EYA4: variants seen among roughly 807,000 people sequenced by gnomAD.
EYA4 encodes protein phosphatase EYA4.
A neutral mutation model predicts 87.9 loss-of-function variants in EYA4; 31 were observed. The observed-to-expected ratio is 0.35, with a 90% CI of 0.27 to 0.48. EYA4 has a LOEUF of 0.48. EYA4 is among the 20% of genes least tolerant of loss of function. EYA4 has a pLI of 0.99. For synonymous variants in EYA4, 263 were observed against 270.6 expected (o/e 0.97, Z 0.28); for missense variants, 678 against 761.4 (o/e 0.89, Z 1.29).
intron 3 of EYA4, among the ~76,000 whole-genome samples, chr6:133,410,636 T>C (rs1478898934): frequency 6.7e-6 from 1 of 149,708 alleles, no homozygotes; most frequent in African/African-American, 2.4e-5. Flanking sequence ...AAGGTCTTAA[T>C]TCCTTCTATC....
intron 13 of EYA4, among the ~76,000 whole-genome samples, chr6:133,486,483 C>G (rs1192948953): frequency 1.3e-5 from 2 of 150,480 alleles, no homozygotes; most frequent in East Asian, 3.9e-4. Context: ...ATTCATTTAA[C>G]AAATAGTTAG....
At chr6:133,293,631 CAT>C (rs1377170302) in intron 2 of EYA4, among the ~76,000 whole-genome samples, 2 of 152,096 alleles carry the variant, frequency 1.3e-5, no homozygotes, top group Non-Finnish European at 2.9e-5. Context: ...CCTTGTAAAA[CAT>C]AAAGTTCTTT....
chr6:133,432,688 G>C (rs911768267), intron 3 of EYA4, among the ~76,000 whole-genome samples: 3 of 151,946 alleles, frequency 2.0e-5, no homozygotes, highest in Non-Finnish European at 4.4e-5. Context: ...CTGCATGTTC[G>C]TCTTTTTTTT....
At chr6:133,315,469 A>C (rs993435664) in intron 2 of EYA4, among the ~76,000 whole-genome samples, 2 of 152,200 alleles carry the variant, frequency 1.3e-5, no homozygotes, top group African/African-American at 4.8e-5. Flanking sequence ...ATTAAGCAAG[A>C]GGGGAAAAAT....
Position 133,382,447 on chromosome 6 carries a change from G to A in EYA4, c.83+6G>A, listed in dbSNP as rs200479266. On this transcript the variant is annotated splice_donor_region_variant and intron_variant, in intron 3 of 19. Coordinates refer to ENST00000355286, the MANE Select transcript of EYA4 (RefSeq NM_004100.5). ...TCACAATCTCAGAATTCCAGGTACAGTAAAATAAAGACCAAGACTCCCCTA... is the reference window on the plus strand; with the variant it reads ...TCACAATCTCAGAATTCCAGGTACAATAAAATAAAGACCAAGACTCCCCTA... 115 of 1,602,152 alleles carry A rather than the reference G, an allele frequency of 7.2e-5. No individual in the cohort carries two copies. Among genetic ancestry groups the A allele is most frequent in the Non-Finnish European group, 8.6e-7 (1 of 1,169,180 alleles).
Position 133,276,845 on chromosome 6 carries a change from C to T in EYA4, c.33+2032C>T, listed in dbSNP as rs564650898. Reference sequence around the variant, plus strand: ...TCCAAGTCCAAAGCTCTCTCCATAACATCGACGTGCCTCATTGCCTTTGGG... The same window carrying T: ...TCCAAGTCCAAAGCTCTCTCCATAATATCGACGTGCCTCATTGCCTTTGGG... On this transcript the variant is annotated intron_variant, in intron 2 of 19. Transcript: ENST00000355286. 1.4e-3 allele frequency among the ~76,000 whole-genome samples: 214 copies of T among 150,150 alleles called. 2 individuals carry two copies. Among genetic ancestry groups the T allele is most frequent in the South Asian group, 7.2e-3 (34 of 4,734 alleles).
chr6:133,513,086 G>A, intron 16 of EYA4, 48 bp downstream of exon 16: 1 of 1,530,344 alleles, frequency 6.5e-7, no homozygotes, highest in Non-Finnish European at 9.1e-7. Context: ...GGTATAGGTA[G>A]AATTCAATCT....
At chr6:133,523,604 G>A (rs902322423) in intron 18 of EYA4, among the ~76,000 whole-genome samples, 1 of 152,122 alleles carries the variant, frequency 6.6e-6, no homozygotes, top group African/African-American at 2.4e-5. Flanking sequence ...AAAATTAAGA[G>A]TTTTATGTAT....
intron 1 of EYA4, among the ~76,000 whole-genome samples, chr6:133,272,584 A>G (rs1303849311): frequency 6.6e-6 from 1 of 152,192 alleles, no homozygotes; most frequent in Non-Finnish European, 1.5e-5. Context: ...TGTCTCTCAA[A>G]AGGAAGGTAG....
intron 3 of EYA4, among the ~76,000 whole-genome samples, chr6:133,395,846 C>A (rs1787743655): frequency 6.6e-6 from 1 of 152,184 alleles, no homozygotes; most frequent in Non-Finnish European, 1.5e-5. Context: ...TGTAGAGTCC[C>A]AGTTTACACT....
chr6:133,525,217 T>C lies in EYA4; in HGVS notation c.1802T>C (p.Ile601Thr). ...GGCAGAAAAGTAGTGTATGTTGTAA[T>C]TGGGGATGGTGTAGAAGAAGAACAG... ...RFGRKVVYVVIGDGVEEEQAA... is the reference protein window; with the variant it reads ...RFGRKVVYVVTGDGVEEEQAA... Residue 601 changes from isoleucine (I) to threonine (T), a missense_variant, in exon 19 of 20, where the codon ATT becomes ACT. Coordinates refer to ENST00000355286, the MANE Select transcript of EYA4 (RefSeq NM_004100.5). 6.2e-7 allele frequency: 1 copy of C among 1,613,712 alleles called. No individual in the cohort carries two copies. Among genetic ancestry groups the C allele is most frequent in the Non-Finnish European group, 8.5e-7 (1 of 1,179,746 alleles).
At chr6:133,251,822 A>G (rs906963985) in intron 1 of EYA4, among the ~76,000 whole-genome samples, 8 of 152,214 alleles carry the variant, frequency 5.3e-5, no homozygotes, top group Non-Finnish European at 8.8e-5. Context: ...ATCATTTGAT[A>G]TAGTCAAAAA....
chr6:133,374,659 A>T (rs569050613), intron 2 of EYA4, among the ~76,000 whole-genome samples: 2 of 152,088 alleles, frequency 1.3e-5, no homozygotes, highest in South Asian at 4.1e-4. Flanking sequence ...TAGTCAATAA[A>T]TGGTGATTTG....
At chr6:133,346,894 G>A (rs1193427601) in intron 2 of EYA4, among the ~76,000 whole-genome samples, 1 of 152,154 alleles carries the variant, frequency 6.6e-6, no homozygotes, top group East Asian at 1.9e-4. Flanking sequence ...TATGGAAATG[G>A]AAGCATTGTT....
chr6:133,487,179 G>T (rs1241455974), intron 13 of EYA4, among the ~76,000 whole-genome samples: 1 of 152,198 alleles, frequency 6.6e-6, no homozygotes, highest in Non-Finnish European at 1.5e-5. Flanking sequence ...CAACACCCAT[G>T]GAGGGGGCAT....
intron 2 of EYA4, among the ~76,000 whole-genome samples, chr6:133,313,145 G>C (rs1399503947): frequency 6.6e-6 from 1 of 152,052 alleles, no homozygotes; most frequent in African/African-American, 2.4e-5. Flanking sequence ...GACTTATAAG[G>C]TATGGGAGTG....
intron 3 of EYA4, among the ~76,000 whole-genome samples, chr6:133,391,216 G>GTTTTTTTTTTT (rs1171912624): frequency 2.9e-5 from 2 of 68,954 alleles, no homozygotes; most frequent in African/African-American, 4.1e-5. Flanking sequence ...TTTGGGTTTT[G>GTTTTTTTTTTT]TTTTTGTTTT....
At chr6:133,380,953 TCTC>T (rs577555636) in intron 2 of EYA4, among the ~76,000 whole-genome samples, 262 of 142,888 alleles carry the variant, frequency 1.8e-3, no homozygotes, top group African/African-American at 3.6e-3. Flanking sequence ...CTCTTCTCCC[TCTC>T]CTCCTCCTCC....
chr6:133,495,833 A>C (rs571032774), intron 13 of EYA4, among the ~76,000 whole-genome samples: 1 of 152,308 alleles, frequency 6.6e-6, no homozygotes, highest in Admixed American at 6.5e-5. Flanking sequence ...TTTGGAACAA[A>C]TTTCCAGATA....
Sources: gnomAD v4.1 joint callset for allele counts (sites outside exome capture counted in the v4.1 genomes callset) on GRCh38, gnomAD v4.1.1 for gene constraint, MANE v1.5 for transcripts, NCBI Gene and HGNC (gene_info 2026-07-23, HGNC 2026-07-21) for gene names.